The following CTCF variants were observed in gnomAD, a reference collection of about 807,000 sequenced individuals.
CTCF encodes CCCTC-binding factor.
A neutral mutation model predicts 72.3 loss-of-function variants in CTCF; 7 were observed. That is an observed-to-expected ratio of 0.10 (90% confidence interval 0.06 to 0.18). The LOEUF is 0.18. Among genes scored for constraint, CTCF ranks in the 10% least tolerant of loss-of-function variants. The pLI is 1.00. For synonymous variants in CTCF, 374 were observed against 315.8 expected (o/e 1.18, Z -1.95); for missense variants, 516 against 949.1 (o/e 0.54, Z 6.00).
chr16:67,618,815 T>C (rs556301300), intron 5 of CTCF, among the ~76,000 whole-genome samples: 2 of 152,314 alleles, frequency 1.3e-5, no homozygotes, highest in Admixed American at 1.3e-4. Flanking sequence ...GAAATGTACA[T>C]GAAGAAAACC....
At chr16:67,578,667 G>T (rs1363671498) in intron 2 of CTCF, among the ~76,000 whole-genome samples, 1 of 151,902 alleles carries the variant, frequency 6.6e-6, no homozygotes, top group Non-Finnish European at 1.5e-5. Context: ...GCACAAATAG[G>T]CCGGGCATGG....
intron 10 of CTCF, among the ~76,000 whole-genome samples, chr16:67,633,818 TCA>T (rs1055094120): frequency 1.4e-5 from 2 of 147,802 alleles, no homozygotes; most frequent in African/African-American, 2.5e-5. Flanking sequence ...ACACACACTC[TCA>T]CTCACTCACT....
At chr16:67,602,369 A>G (rs577499238) in intron 2 of CTCF, among the ~76,000 whole-genome samples, 39 of 152,180 alleles carry the variant, frequency 2.6e-4, no homozygotes, top group Non-Finnish European at 5.1e-4. Flanking sequence ...CAGGGTCACC[A>G]CATTTACATT....
At position 67,620,654 on chromosome 16, in the gene CTCF, C is replaced by G. The variant is rs755811824; in HGVS notation, c.1087-43C>G. 4.7e-5 allele frequency: 69 copies of G among 1,477,400 alleles called. No homozygotes were observed. The East Asian group carries it at 1.7e-3, about 35-fold the overall frequency. The allele number at this position is 1,477,400 out of a possible 1,614,324, so 91.5% of individuals were successfully genotyped here. On this transcript the variant is annotated intron_variant, in intron 5 of 11. Coordinates refer to ENST00000264010, the MANE Select transcript of CTCF (RefSeq NM_006565.4). ...TAACCTACTGTGCTCTTGTTACAGT[C>G]TGTGTTAACAGAAGTTAAAGTTCGG...
intron 1 of CTCF, among the ~76,000 whole-genome samples, chr16:67,566,470 G>A (rs995547972): frequency 6.6e-5 from 9 of 136,720 alleles, no homozygotes; most frequent in Admixed American, 7.9e-5. Flanking sequence ...AGATCGTGCC[G>A]TTGCACTCCA....
intron 5 of CTCF, among the ~76,000 whole-genome samples, 175 bp downstream of exon 5, chr16:67,617,053 T>C (rs937571758): frequency 6.6e-6 from 1 of 152,178 alleles, no homozygotes; most frequent in Admixed American, 6.6e-5. Flanking sequence ...TGTGAAAGAT[T>C]TACTTGTTAA....
At chr16:67,610,766 TA>T in intron 2 of CTCF, 57 bp from the exon 3 acceptor site, 1 of 1,258,944 alleles carries the variant, frequency 7.9e-7, no homozygotes, top group Non-Finnish European at 1.1e-6. Context: ...TTAAAATGTA[TA>T]TTTTTATTTA....
chr16:67,624,993 C>G (rs914562717), intron 7 of CTCF, among the ~76,000 whole-genome samples: 4 of 152,030 alleles, frequency 2.6e-5, no homozygotes, highest in African/African-American at 9.7e-5. Context: ...GGCGCGATCT[C>G]GGCTCACTGC....
intron 2 of CTCF, among the ~76,000 whole-genome samples, chr16:67,585,582 G>T (rs965361273): frequency 3.3e-5 from 5 of 152,098 alleles, no homozygotes; most frequent in African/African-American, 1.2e-4. Flanking sequence ...GGCAGTATTG[G>T]TTAGCACTTC....
At chr16:67,583,260 T>A (rs2051615409) in intron 2 of CTCF, among the ~76,000 whole-genome samples, 1 of 152,066 alleles carries the variant, frequency 6.6e-6, no homozygotes, top group Admixed American at 6.6e-5. Context: ...GTGCTAGGAT[T>A]ACAGGCATGA....
chr16:67,585,658 T>C (rs570410124), intron 2 of CTCF, among the ~76,000 whole-genome samples: 1 of 152,324 alleles, frequency 6.6e-6, no homozygotes, highest in South Asian at 2.1e-4. Flanking sequence ...ACTTTTTGTT[T>C]ATTTGCTTAA....
At chr16:67,563,405 A>C (rs1175993409) in intron 1 of CTCF, 1 of 152,152 alleles carries the variant, frequency 6.6e-6, no homozygotes, top group Non-Finnish European at 1.5e-5. Context: ...GCGGCGCTGC[A>C]GCGGCTGCGA....
At chr16:67,590,323 T>C (rs2051724092) in intron 2 of CTCF, among the ~76,000 whole-genome samples, 1 of 152,076 alleles carries the variant, frequency 6.6e-6, no homozygotes, top group African/African-American at 2.4e-5. Context: ...TTCAAGTAGC[T>C]GTTAGAATAA....
At chr16:67,591,031 C>T (rs1249453030) in intron 2 of CTCF, among the ~76,000 whole-genome samples, 1 of 149,242 alleles carries the variant, frequency 6.7e-6, no homozygotes, top group Non-Finnish European at 1.5e-5. Context: ...AGGCGTGAGC[C>T]ACCGTAATCC....
chr16:67,636,468 A>C (rs1410981157), intron 10 of CTCF, among the ~76,000 whole-genome samples: 1 of 150,486 alleles, frequency 6.6e-6, no homozygotes, highest in Non-Finnish European at 1.5e-5. Context: ...GAATTGCTTG[A>C]ATCTGGGAGG....
intron 2 of CTCF, among the ~76,000 whole-genome samples, chr16:67,596,422 C>T (rs2051815837): frequency 6.6e-6 from 1 of 151,950 alleles, no homozygotes; most frequent in African/African-American, 2.4e-5. Context: ...CTTTTTCTTT[C>T]AGTGTTCATC....
chr16:67,565,790 G>C (rs1214572555), intron 1 of CTCF, among the ~76,000 whole-genome samples: 5 of 140,310 alleles, frequency 3.6e-5, no homozygotes, highest in Admixed American at 1.4e-4. Context: ...AATTCTAAGA[G>C]CTTTAGGATT....
Position 67,637,752 on chromosome 16 carries a change from A to T in CTCF, c.2064A>T (p.Val688=). 1 of 1,613,680 alleles carries T rather than the reference A, an allele frequency of 6.2e-7. No homozygotes were observed. The highest frequency in any genetic ancestry group is 8.5e-7 in the Non-Finnish European group (1 of 1,179,880). Residue 688 remains valine (V), a synonymous_variant, in exon 12 of 12, where the codon GTA becomes GTT. Coordinates refer to ENST00000264010, the MANE Select transcript of CTCF (RefSeq NM_006565.4). ...TGAIENIIVE[V]KKEPDAEPAE... ...CAATTGAGAACATTATAGTTGAAGT[A>T]AAAAAAGAGCCAGATGCTGAGCCCG...
chr16:67,576,302 AT>A (rs1195223940), intron 2 of CTCF, among the ~76,000 whole-genome samples: 4 of 152,130 alleles, frequency 2.6e-5, no homozygotes, highest in African/African-American at 9.7e-5. Flanking sequence ...ATAAGTAATT[AT>A]TTGGATGAAT....
Sources: allele counts gnomAD v4.1 joint callset (sites outside exome capture counted in the v4.1 genomes callset), GRCh38; gene constraint gnomAD v4.1.1; transcripts MANE v1.5; gene names NCBI Gene and HGNC (gene_info 2026-07-23, HGNC 2026-07-21).